ADGRE3: variants seen among roughly 807,000 people sequenced by gnomAD.
ADGRE3 encodes EGF-like module receptor 3.
ADGRE3 carries 88 observed loss-of-function variants against 80.1 expected under a neutral mutation model. The observed-to-expected ratio is 1.10, with a 90% CI of 0.93 to 1.31. The LOEUF is 1.31. Ranked by LOEUF, ADGRE3 falls within the 40% of genes most tolerant of loss-of-function variation. The pLI is 0.00. For synonymous variants in ADGRE3, 281 were observed against 294.8 expected (o/e 0.95, Z 0.48); for missense variants, 715 against 776.5 (o/e 0.92, Z 0.94).
intron 14 of ADGRE3, 126 bp downstream of exon 14, chr19:14,629,913 A>G (rs1970831596): frequency 5.6e-6 from 3 of 532,934 alleles, no homozygotes; most frequent in Non-Finnish European, 6.5e-6. Context: ...GAAAATAGAG[A>G]GAGTGTTTAC....
chr19:14,669,174 A>G (rs1167410310), intron 1 of ADGRE3, among the ~76,000 whole-genome samples: 1 of 152,226 alleles, frequency 6.6e-6, no homozygotes, highest in Admixed American at 6.5e-5. Context: ...GTGTCCACCA[A>G]CAGTTGACTA....
At position 14,620,348 on chromosome 19, in the gene ADGRE3, G is replaced by T. The variant is rs144525876; in HGVS notation, c.1921-877C>A. Among the ~76,000 whole-genome samples the T allele has an allele frequency of 2.4e-4, 14 of 59,296 alleles. 1 individual carries two copies. The East Asian group carries it at 9.8e-3, about 42-fold the overall frequency. 38.9% of individuals were successfully genotyped at this position (59,296 alleles called of 152,430 possible). On this transcript the variant is annotated intron_variant, in intron 15 of 15. Transcript: ENST00000253673. ...ATTACTGGCATGAGCCACCATGCCCGGCCAAAGCTAATGTATTTCTTAAAG... is the reference window on the plus strand; with the variant it reads ...ATTACTGGCATGAGCCACCATGCCCTGCCAAAGCTAATGTATTTCTTAAAG...
chr19:14,639,955 G>T (rs80156834), intron 10 of ADGRE3, among the ~76,000 whole-genome samples: 6,678 of 152,118 alleles, frequency 0.044, 361 homozygotes, highest in African/African-American at 0.12. Context: ...GCTGAAATTT[G>T]GTATCCTTTG....
In ADGRE3 at chr19:14,665,938, A is replaced by ATATATATG. The variant is rs1275750994; in HGVS notation, c.77-2399_77-2398insCATATATA. On this transcript the variant is annotated intron_variant, in intron 2 of 15. Transcript: ENST00000253673. Reference sequence around the variant, plus strand: ...ATATTGCATATACACACATATGTGTATATATATATATATATATATATATAT... The same window carrying ATATATATG: ...ATATTGCATATACACACATATGTGTATATATATGTATATATATATATATATATATATAT... Among the ~76,000 whole-genome samples, 74 of 76,642 alleles carry ATATATATG rather than the reference A, an allele frequency of 9.7e-4. 2 individuals carry two copies. The highest frequency in any genetic ancestry group is 4.1e-3 in the African/African-American group (65 of 15,712). The allele number at this position is 76,642 out of a possible 152,430, so 50.3% of individuals were successfully genotyped here.
At chr19:14,657,601 C>T (rs533773104) in intron 5 of ADGRE3, among the ~76,000 whole-genome samples, 24 of 151,722 alleles carry the variant, frequency 1.6e-4, no homozygotes, top group Non-Finnish European at 2.8e-4. Context: ...TCTTGGTATA[C>T]GCATGGCATT....
At chr19:14,620,371 AAGAG>A (rs1382926868) in intron 15 of ADGRE3, among the ~76,000 whole-genome samples, 1 of 41,188 alleles carries the variant, frequency 2.4e-5, no homozygotes. Flanking sequence ...GTATTTCTTA[AAGAG>A]AGATTCATAT....
rs1461146562 is a variant in ADGRE3, at chr19:14,655,009, C to A, written c.550G>T (p.Val184Phe). ...ETALKDPEQKVLKIQNDSVAI... is the reference protein window; with the variant it reads ...ETALKDPEQKFLKIQNDSVAI... Reference sequence around the variant, plus strand: ...ACACTATCGTTTTGGATTTTCAGGACTTTTTGTTCTGGATCTTTCAAGGCA... The same window carrying A: ...ACACTATCGTTTTGGATTTTCAGGAATTTTTGTTCTGGATCTTTCAAGGCA... The change falls in exon 6 of 16, where the codon GTC (valine) becomes TTC (phenylalanine). Residue 184 changes from valine to phenylalanine, a missense_variant. Physicochemically the swap from Val to Phe is conservative, Grantham distance 50 (BLOSUM62 -1). Coordinates refer to ENST00000253673, the MANE Select transcript of ADGRE3 (RefSeq NM_032571.5). 2 of 1,613,864 alleles carry A rather than the reference C, an allele frequency of 1.2e-6. No individual in the cohort carries two copies. The highest frequency in any genetic ancestry group is 1.7e-6 in the Non-Finnish European group (2 of 1,179,940).
At chr19:14,643,539 C>T (rs904001961) in intron 9 of ADGRE3, among the ~76,000 whole-genome samples, 1 of 152,120 alleles carries the variant, frequency 6.6e-6, no homozygotes, top group Non-Finnish European at 1.5e-5. Context: ...CCCCAATACA[C>T]ACCCTGAACA....
chr19:14,618,429 C>T (rs1247185228), downstream of ADGRE3, among the ~76,000 whole-genome samples: 1 of 152,050 alleles, frequency 6.6e-6, no homozygotes, highest in East Asian at 1.9e-4. Flanking sequence ...GTGGCATGTG[C>T]TTGTAGTCCC....
At position 14,668,805 on chromosome 19, in the gene ADGRE3, T is replaced by C. The variant is rs144197422; in HGVS notation, c.73A>G (p.Lys25Glu). ...TGTTCTGGCTCTGAGCACTCACTTT[T>C]GGTTTTCTGAGTCACAGCTCCAAAG... ...SLFGAVTQKT[K>E]TSCAKCPPNA... Residue 25 changes from lysine (K) to glutamate (E), a missense_variant, in exon 2 of 16, where the codon AAA becomes GAA. Transcript: ENST00000253673. The C allele has an allele frequency of 3.7e-6, 6 of 1,613,888 alleles. No homozygotes were observed. In the African/African-American group the frequency reaches 8.0e-5, roughly 22 times the overall value.
In ADGRE3 at chr19:14,641,428, A is replaced by T. The variant is rs749308035; in HGVS notation, c.1239T>A (p.Thr413=). 2 of 1,614,144 alleles carry T rather than the reference A, an allele frequency of 1.2e-6. No individual in the cohort carries two copies. The highest frequency in any genetic ancestry group is 1.7e-6 in the Non-Finnish European group (2 of 1,180,024). ...HLLFLVGIDR[T]EPKVLCSIIA... ...GAGACACTGTCAGTACCTTGGGTTC[A>T]GTTCGATCAATCCCCACGAGGAAGA... The change falls in exon 10 of 16, where the codon ACT becomes ACA. Residue 413 remains threonine, a synonymous_variant. Transcript: ENST00000253673.
intron 14 of ADGRE3, chr19:14,628,552 C>T: frequency 5.6e-6 from 1 of 179,804 alleles, no homozygotes; most frequent in East Asian, 1.5e-4. Context: ...GCCTCAGCCT[C>T]CTGAAGTACT....
Position 14,620,568 on chromosome 19 carries a change from ATTTTTTTTTTTTTTTTT to A in ADGRE3, c.1921-1114_1921-1098del, listed in dbSNP as rs1189295641. Among the ~76,000 whole-genome samples, 60 of 11,052 alleles carry A rather than the reference ATTTTTTTTTTTTTTTTT, an allele frequency of 5.4e-3. 2 individuals carry two copies. Among genetic ancestry groups the A allele is most frequent in the Middle Eastern group, 0.05 (1 of 20 alleles). 7.3% of individuals were successfully genotyped at this position (11,052 alleles called of 152,430 possible). A position where few individuals can be genotyped will look rare whatever the true frequency, so the allele number is the denominator to read the frequency against. ...ATATATTATATATATATATATATAT[ATTTTTTTTTTTTTTTTT>A]TTTTTTTTTTTTGAGACAGGGTTTT... On this transcript the variant is annotated intron_variant, in intron 15 of 15. Coordinates refer to ENST00000253673, the MANE Select transcript of ADGRE3 (RefSeq NM_032571.5).
intron 2 of ADGRE3, among the ~76,000 whole-genome samples, chr19:14,666,401 G>T (rs1972108680): frequency 6.7e-6 from 1 of 148,168 alleles, no homozygotes; most frequent in African/African-American, 2.5e-5. Flanking sequence ...TTTAAAGACA[G>T]AGTCTCGCTC....
At chr19:14,660,151 C>T (rs956725295) in intron 4 of ADGRE3, among the ~76,000 whole-genome samples, 7 of 152,128 alleles carry the variant, frequency 4.6e-5, no homozygotes, top group Admixed American at 4.6e-4. Flanking sequence ...TTGGTAATAA[C>T]GAACCCCAAA....
chr19:14,623,285 T>TAAA (rs200178108), intron 15 of ADGRE3, among the ~76,000 whole-genome samples: 1 of 47,368 alleles, frequency 2.1e-5, no homozygotes, highest in African/African-American at 9.0e-5. Context: ...CTAAAATACT[T>TAAA]AAAAAAAAAA....
At chr19:14,665,118 C>T (rs1972055500) in intron 2 of ADGRE3, among the ~76,000 whole-genome samples, 1 of 134,482 alleles carries the variant, frequency 7.4e-6, no homozygotes, top group African/African-American at 2.9e-5. Context: ...GGCCGGAGTG[C>T]AGTGGTGTGA....
chr19:14,670,460 C>T (rs1318829085), intron 1 of ADGRE3, among the ~76,000 whole-genome samples: 3 of 152,172 alleles, frequency 2.0e-5, no homozygotes, highest in Non-Finnish European at 4.4e-5. Context: ...TCAAATTCTT[C>T]CTCCTTATGA....
chr19:14,607,145 G>A, the ADGRE3 span: 2 of 966,436 alleles, frequency 2.1e-6, no homozygotes, highest in Non-Finnish European at 1.4e-6. Flanking sequence ...TTCCTCTGTG[G>A]GCCCTGACCA....
Sources: allele counts gnomAD v4.1 joint callset (sites outside exome capture counted in the v4.1 genomes callset), GRCh38; gene constraint gnomAD v4.1.1; transcripts MANE v1.5; gene names NCBI Gene and HGNC (gene_info 2026-07-23, HGNC 2026-07-21).